GRIK1: variants seen among roughly 807,000 people sequenced by gnomAD.
GRIK1 encodes glutamate ionotropic receptor kainate type subunit 1.
GRIK1 carries 69 observed loss-of-function variants against 105.7 expected under a neutral mutation model. The ratio of observed to expected loss-of-function variants is 0.65; its 90% CI spans 0.54 to 0.80. The LOEUF (loss-of-function observed/expected upper bound fraction) is 0.80, where lower values mean the gene tolerates loss of function less well. GRIK1 is among the 30% of genes least tolerant of loss of function. GRIK1 has a pLI of 0.00. For synonymous variants in GRIK1, 438 were observed against 431.3 expected, an observed-to-expected ratio of 1.02 and a Z score of -0.19; for missense variants, 1,109 against 1,167.3, an observed-to-expected ratio of 0.95 and a Z score of 0.73.
Position 29,693,937 on chromosome 21 carries a change from TG to T in GRIK1, c.244del (p.Gln82ArgfsTer92), listed in dbSNP as rs1239087400. 1 of 1,613,434 alleles carries T rather than the reference TG, an allele frequency of 6.2e-7. No homozygotes were observed. The highest frequency in any genetic ancestry group is 1.3e-5 in the African/African-American group (1 of 74,894). ...MPNTTLTYDI[Q>X]RINLFDSFEA... The stretch of plus-strand genomic sequence containing the variant: ...AAAACTATCAAAAAGGTTAATTCTC[TG>T]GATGTCATAGGTTAATGTGGTGTTA... On this transcript the variant is annotated frameshift_variant, in exon 2 of 18. Transcript: ENST00000327783. LOFTEE classifies it high-confidence loss of function.
chr21:29,560,408 T>C (rs558703922), intron 15 of GRIK1, among the ~76,000 whole-genome samples: 2,939 of 94,988 alleles, frequency 0.031, 196 homozygotes, highest in African/African-American at 0.074. Flanking sequence ...TTCCTTTCTT[T>C]CTTTCTTTCT....
At chr21:29,685,515 A>T (rs2063471651) in intron 3 of GRIK1, among the ~76,000 whole-genome samples, 2 of 152,138 alleles carry the variant, frequency 1.3e-5, no homozygotes, top group South Asian at 4.1e-4. Context: ...CTCTATGCTG[A>T]CTGCGTAGGT....
intron 7 of GRIK1, among the ~76,000 whole-genome samples, chr21:29,617,287 C>T (rs942469783): frequency 2.0e-5 from 3 of 152,146 alleles, no homozygotes; most frequent in African/African-American, 7.2e-5. Flanking sequence ...GGTGTTAAGC[C>T]TCATCCTTCA....
intron 7 of GRIK1, among the ~76,000 whole-genome samples, chr21:29,619,215 G>A (rs1331518739): frequency 6.6e-6 from 1 of 151,700 alleles, no homozygotes; most frequent in Non-Finnish European, 1.5e-5. Context: ...AAAGCGGGCA[G>A]ATCACGAGGT....
At chr21:29,919,130 A>G (rs1213350479) in intron 1 of GRIK1, among the ~76,000 whole-genome samples, 2 of 152,094 alleles carry the variant, frequency 1.3e-5, no homozygotes, top group Non-Finnish European at 2.9e-5. Context: ...CTCAGCCACA[A>G]CATCTCACAT....
chr21:29,938,403 G>C (rs2071848363), intron 1 of GRIK1, among the ~76,000 whole-genome samples: 1 of 152,218 alleles, frequency 6.6e-6, no homozygotes, highest in Non-Finnish European at 1.5e-5. Context: ...AAGGAGGAGG[G>C]CAAATGAGAT....
intron 1 of GRIK1, among the ~76,000 whole-genome samples, chr21:29,767,071 C>A (rs2065685391): frequency 6.6e-6 from 1 of 152,152 alleles, no homozygotes; most frequent in East Asian, 1.9e-4. Context: ...AGCTAGACAG[C>A]AACTTTCTCT....
At chr21:29,679,093 T>C (rs1170289716) in intron 3 of GRIK1, among the ~76,000 whole-genome samples, 2 of 152,188 alleles carry the variant, frequency 1.3e-5, no homozygotes, top group Non-Finnish European at 2.9e-5. Context: ...AATCATCTAT[T>C]TAGGACAGTG....
At chr21:29,690,249 C>A (rs1430972139) in intron 2 of GRIK1, among the ~76,000 whole-genome samples, 2 of 152,198 alleles carry the variant, frequency 1.3e-5, no homozygotes, top group Non-Finnish European at 2.9e-5. Flanking sequence ...GCTGGTCTCA[C>A]TTTATTACCT....
chr21:29,542,704 G>C (rs534458334), intron 16 of GRIK1, among the ~76,000 whole-genome samples: 174 of 152,278 alleles, frequency 1.1e-3, no homozygotes, highest in African/African-American at 3.9e-3. Context: ...TTCATTGGTA[G>C]GTATAGGTAA....
intron 1 of GRIK1, among the ~76,000 whole-genome samples, chr21:29,742,909 T>C (rs2064964530): frequency 1.3e-5 from 2 of 152,190 alleles, no homozygotes; most frequent in Non-Finnish European, 2.9e-5. Context: ...CAAACAGGCT[T>C]GAGTCTGTTT....
chr21:29,912,153 T>A (rs2070839727), intron 1 of GRIK1, among the ~76,000 whole-genome samples: 1 of 152,086 alleles, frequency 6.6e-6, no homozygotes, highest in South Asian at 2.1e-4. Context: ...AGCATCGCCA[T>A]CTTGCACAAG....
At chr21:29,693,244 T>C (rs564335677) in intron 2 of GRIK1, among the ~76,000 whole-genome samples, 1 of 152,334 alleles carries the variant, frequency 6.6e-6, no homozygotes, top group African/African-American at 2.4e-5. Context: ...CCTAATATTG[T>C]CTAGAAGATG....
chr21:29,885,918 A>G (rs1352945090), intron 1 of GRIK1, among the ~76,000 whole-genome samples: 1 of 152,120 alleles, frequency 6.6e-6, no homozygotes, highest in East Asian at 1.9e-4. Flanking sequence ...CATTAGAACC[A>G]TTGTTAGTCT....
At chr21:29,638,535 T>G (rs767068865) in intron 7 of GRIK1, among the ~76,000 whole-genome samples, 1 of 152,180 alleles carries the variant, frequency 6.6e-6, no homozygotes, top group Non-Finnish European at 1.5e-5. Context: ...ACCCGTAAAG[T>G]GCAATACAGA....
intron 4 of GRIK1, among the ~76,000 whole-genome samples, chr21:29,667,349 T>C (rs3026007): frequency 0.013 from 1,988 of 152,276 alleles, 50 homozygotes; most frequent in African/African-American, 0.045. Flanking sequence ...ACTAGCATTG[T>C]CATTGCACTT....
intron 7 of GRIK1, among the ~76,000 whole-genome samples, chr21:29,631,019 G>T (rs2062258670): frequency 6.6e-6 from 1 of 151,950 alleles, no homozygotes; most frequent in Admixed American, 6.6e-5. Context: ...TGTTGCTCAG[G>T]CTGGTCTAGA....
intron 1 of GRIK1, among the ~76,000 whole-genome samples, chr21:29,880,493 C>T (rs1015550380): frequency 1.3e-5 from 2 of 152,084 alleles, no homozygotes; most frequent in Non-Finnish European, 2.9e-5. Context: ...TTTGAATTTG[C>T]TTAGCTCTAC....
At chr21:29,656,354 C>CAAAAAAAGAAAAAAA (rs2062849841) in intron 4 of GRIK1, among the ~76,000 whole-genome samples, 1 of 51,132 alleles carries the variant, frequency 2.0e-5, no homozygotes, top group Non-Finnish European at 4.6e-5. Flanking sequence ...GAGCGAGACT[C>CAAAAAAAGAAAAAAA]AAAAAAAAAA....
Sources: gnomAD v4.1 joint callset for allele counts (sites outside exome capture counted in the v4.1 genomes callset) on GRCh38, gnomAD v4.1.1 for gene constraint, MANE v1.5 for transcripts, NCBI Gene and HGNC (gene_info 2026-07-23, HGNC 2026-07-21) for gene names.